The following PCMTD1 variants were observed in gnomAD, a reference collection of about 807,000 sequenced individuals.
PCMTD1 encodes the protein protein-L-isoaspartate (D-aspartate) O-methyltransferase domain containing 1, also known as protein-L-isoaspartate O-methyltransferase domain-containing protein 1.
A neutral mutation model predicts 37.6 loss-of-function variants in PCMTD1; 12 were observed. The ratio of observed to expected loss-of-function variants is 0.32; its 90% CI spans 0.20 to 0.52. The LOEUF (loss-of-function observed/expected upper bound fraction) is 0.52, where lower values mean the gene tolerates loss of function less well. Ranked by LOEUF, PCMTD1 falls within the 20% of genes least tolerant of loss-of-function variation. The pLI, the probability that PCMTD1 is intolerant of heterozygous loss-of-function variation, is 0.97. For missense variants in PCMTD1, 235 were observed against 421.3 expected, an observed-to-expected ratio of 0.56 and a Z score of 3.87; for synonymous variants, 117 against 135.8, an observed-to-expected ratio of 0.86 and a Z score of 0.96.
rs192467196 is a variant in PCMTD1 at position 51,824,446 on chromosome 8, A to G, written c.707-3728T>C. ...AATCATGAGTGAACTCCCATTCGCA[A>G]TTGCTACTAAGAGAATAAAATACCT... On this transcript the variant is annotated intron_variant, in intron 5 of 5. Transcript: ENST00000522514. Among the ~76,000 whole-genome samples the G allele has an allele frequency of 2.0e-5, 3 of 152,360 alleles. No individual in the cohort carries two copies. In the East Asian group the frequency reaches 5.8e-4, roughly 29 times the overall value.
At chr8:51,865,921 G>C (rs1418810545) in intron 1 of PCMTD1, among the ~76,000 whole-genome samples, 1 of 151,408 alleles carries the variant, frequency 6.6e-6, no homozygotes, top group African/African-American at 2.4e-5. Flanking sequence ...AAATTGTAAA[G>C]ACCCACCAAA....
chr8:51,864,245 C>G (rs1223543790), intron 1 of PCMTD1, among the ~76,000 whole-genome samples: 1 of 152,082 alleles, frequency 6.6e-6, no homozygotes, highest in Admixed American at 6.5e-5. Flanking sequence ...AATATTGGAG[C>G]ACCTAAATAT....
intron 1 of PCMTD1, 41 bp downstream of exon 1, chr8:51,898,889 C>T: frequency 1.6e-6 from 2 of 1,277,446 alleles, no homozygotes; most frequent in Non-Finnish European, 2.0e-6. Context: ...GCGGGACTCG[C>T]ACACCCCACG....
At chr8:51,899,063 TG>T, upstream of PCMTD1, 1 of 1,501,808 alleles carries the variant, frequency 6.7e-7, no homozygotes, top group Non-Finnish European at 8.8e-7. Context: ...GACCCGCGAC[TG>T]GAGCAGCCAG....
intron 1 of PCMTD1, among the ~76,000 whole-genome samples, chr8:51,886,565 C>T (rs2038867258): frequency 6.6e-6 from 1 of 152,112 alleles, no homozygotes; most frequent in African/African-American, 2.4e-5. Context: ...ACAGGTGCCC[C>T]CAAGATTCTA....
At chr8:51,831,389 A>G in intron 5 of PCMTD1, 55 bp downstream of exon 5, 1 of 1,540,828 alleles carries the variant, frequency 6.5e-7, no homozygotes, top group Middle Eastern at 2.3e-4. Context: ...TCCCAAGCAT[A>G]AAAGCCAAAC....
intron 3 of PCMTD1, among the ~76,000 whole-genome samples, chr8:51,835,586 T>C (rs2038057073): frequency 1.3e-5 from 2 of 152,222 alleles, no homozygotes; most frequent in African/African-American, 4.8e-5. Context: ...CTAAAAATTT[T>C]ACAGAAATTC....
rs764174856 is a variant in PCMTD1 at position 51,845,732 on chromosome 8, A to C, written c.339T>G (p.Leu113=). Residue 113 remains leucine (L), a synonymous_variant, in exon 3 of 6, where the codon CTT becomes CTG. Coordinates refer to ENST00000522514, the MANE Select transcript of PCMTD1 (RefSeq NM_052937.4). The part of the protein sequence containing the change: ...GPFGINHGIE[L]HSDVVEYAKE... ...TGGCATATTCCACCACATCTGAATG[A>C]AGCTCAATCCCATGATTTATTCCAA... is the stretch of plus-strand genomic sequence containing the variant. 2 of 1,613,072 alleles carry C rather than the reference A, an allele frequency of 1.2e-6. No individual in the cohort carries two copies. Among genetic ancestry groups the C allele is most frequent in the Admixed American group, 3.3e-5 (2 of 59,982 alleles).
intron 5 of PCMTD1, chr8:51,826,828 T>C: frequency 1.4e-6 from 1 of 739,952 alleles, no homozygotes; most frequent in Non-Finnish European, 1.7e-6. Context: ...TCTTTCTTTT[T>C]AGAATGTCTT....
intron 5 of PCMTD1, among the ~76,000 whole-genome samples, chr8:51,821,274 G>A (rs1313119343): frequency 6.6e-6 from 1 of 152,072 alleles, no homozygotes; most frequent in African/African-American, 2.4e-5. Context: ...CAAGTAGCTG[G>A]GACATAAGCA....
chr8:51,845,715 TCCA>T lies in PCMTD1; in HGVS notation c.353_355del (p.Val118del). The stretch of plus-strand genomic sequence containing the variant: ...GCTCTCCAGTTTTTCCTTGGCATAT[TCCA>T]CCACATCTGAATGAAGCTCAATCCC... On this transcript the variant is annotated inframe_deletion, in exon 3 of 6. Transcript: ENST00000522514. 2 of 1,613,216 alleles carry T rather than the reference TCCA, an allele frequency of 1.2e-6. No individual in the cohort carries two copies. Among genetic ancestry groups the T allele is most frequent in the Middle Eastern group, 1.7e-4 (1 of 6,054 alleles).
At chr8:51,823,798 A>G (rs1032623622) in intron 5 of PCMTD1, among the ~76,000 whole-genome samples, 8 of 152,224 alleles carry the variant, frequency 5.3e-5, no homozygotes, top group Non-Finnish European at 8.8e-5. Context: ...AATCCTCAAT[A>G]AAATACTGGC....
At position 51,861,074 on chromosome 8, in the gene PCMTD1, A is replaced by C. The variant is rs2038463067; in HGVS notation, c.78T>G (p.Thr26=). The C allele has an allele frequency of 6.2e-7, 1 of 1,614,136 alleles. No homozygotes were observed. The highest frequency in any genetic ancestry group is 2.2e-5 in the East Asian group (1 of 44,870). Reference sequence around the variant, plus strand: ...CTCTGAAGGCTTGCTCCACTCTTTCAGTACGAATATACTGAGCTTCTTTTA... The same window carrying C: ...CTCTGAAGGCTTGCTCCACTCTTTCCGTACGAATATACTGAGCTTCTTTTA... ...DNLKEAQYIR[T]ERVEQAFRAI... Residue 26 remains threonine, a synonymous_variant, in exon 2 of 6, where the codon ACT becomes ACG. Transcript: ENST00000522514.
chr8:51,865,217 C>T (rs1180416715), intron 1 of PCMTD1, among the ~76,000 whole-genome samples: 1 of 152,026 alleles, frequency 6.6e-6, no homozygotes, highest in African/African-American at 2.4e-5. Flanking sequence ...AAGCTCAGCA[C>T]CAGATGCCTC....
intron 5 of PCMTD1, among the ~76,000 whole-genome samples, chr8:51,830,019 C>T (rs1363971009): frequency 1.3e-5 from 2 of 152,096 alleles, no homozygotes; most frequent in African/African-American, 4.8e-5. Flanking sequence ...ACCACCTCTC[C>T]TCTCCATTTC....
chr8:51,866,927 A>G (rs2038563561), intron 1 of PCMTD1, among the ~76,000 whole-genome samples: 1 of 152,076 alleles, frequency 6.6e-6, no homozygotes, highest in Non-Finnish European at 1.5e-5. Flanking sequence ...AAAGGATTGC[A>G]ACCCATACAT....
intron 1 of PCMTD1, among the ~76,000 whole-genome samples, chr8:51,866,037 TA>T (rs2038550108): frequency 6.7e-6 from 1 of 149,514 alleles, no homozygotes. Flanking sequence ...TCTGAAAAAA[TA>T]ATTAAGAAAT....
At chr8:51,891,678 A>G (rs1027273071) in intron 1 of PCMTD1, among the ~76,000 whole-genome samples, 2 of 100,260 alleles carry the variant, frequency 2.0e-5, no homozygotes, top group Non-Finnish European at 4.7e-5. Context: ...AACAAAAAAT[A>G]TATATATACA....
intron 2 of PCMTD1, among the ~76,000 whole-genome samples, chr8:51,856,122 T>C (rs2038385000): frequency 6.6e-6 from 1 of 152,160 alleles, no homozygotes; most frequent in South Asian, 2.1e-4. Context: ...GAAAATTATA[T>C]TTGTGATAAA....
Sources: gnomAD v4.1 joint callset for allele counts (sites outside exome capture counted in the v4.1 genomes callset) on GRCh38, gnomAD v4.1.1 for gene constraint, MANE v1.5 for transcripts, NCBI Gene and HGNC (gene_info 2026-07-23, HGNC 2026-07-21) for gene names.